DNAH10: variants seen among roughly 807,000 people sequenced by gnomAD.
DNAH10 encodes dynein axonemal heavy chain 10, also known as axonemal beta dynein heavy chain 10.
DNAH10 carries 348 observed loss-of-function variants against 506.6 expected under a neutral mutation model. That is an observed-to-expected ratio of 0.69 (90% CI 0.63 to 0.75). DNAH10 has a LOEUF of 0.75. Among genes scored for constraint, DNAH10 ranks in the 30% least tolerant of loss-of-function variants. The pLI, the probability that DNAH10 is intolerant of heterozygous loss-of-function variation, is 0.00. For synonymous variants in DNAH10, 2,059 were observed against 2,198.6 expected, an observed-to-expected ratio of 0.94 and a Z score of 1.78; for missense variants, 5,179 against 5,787.1, an observed-to-expected ratio of 0.89 and a Z score of 3.41.
chr12:123,897,231 G>A (rs184420437), intron 54 of DNAH10, among the ~76,000 whole-genome samples: 8 of 152,252 alleles, frequency 5.3e-5, no homozygotes, highest in Admixed American at 3.9e-4. Flanking sequence ...GACACATTTT[G>A]TTCATCCATT....
At position 123,813,392 on chromosome 12, in the gene DNAH10, G is replaced by C. The variant is rs1335945641; in HGVS notation, c.3373G>C (p.Val1125Leu). 1 of 1,614,088 alleles carries C rather than the reference G, an allele frequency of 6.2e-7. No individual in the cohort carries two copies. The highest frequency in any genetic ancestry group is 1.3e-5 in the African/African-American group (1 of 74,924). ...TCTCTGGAAATTGGACAAAGCTATTGTGATGGAGAAATTTGCTGCCAAGAA... is the reference window on the plus strand; with the variant it reads ...TCTCTGGAAATTGGACAAAGCTATTCTGATGGAGAAATTTGCTGCCAAGAA... Reference protein sequence around the residue: ...RPLWKLDKAIVMEKFAAKKPP... With the variant: ...RPLWKLDKAILMEKFAAKKPP... Residue 1125 changes from valine (V) to leucine (L), a missense_variant, in exon 20 of 79, where the codon GTG becomes CTG. By Grantham distance (32) the Val-to-Leu change is conservative. This residue lies in a region of DNAH10 where 4,844 missense variants were observed against 5,430.5 expected (regional missense o/e 0.89). Transcript: ENST00000673944.
Position 123,909,301 on chromosome 12 carries a change from G to A in DNAH10, c.9856G>A (p.Glu3286Lys), listed in dbSNP as rs1274796581. 5 of 1,613,304 alleles carry A rather than the reference G, an allele frequency of 3.1e-6. No individual in the cohort carries two copies. Among genetic ancestry groups the A allele is most frequent in the South Asian group, 2.2e-5 (2 of 90,914 alleles). ...CCCGAAGCAGGTGCAGACGGTCTGC[G>A]AATGCATCCTCATCATGAAAGGGTA... Reference protein sequence around the residue: ...KPPKQVQTVCECILIMKGYKE... With the variant: ...KPPKQVQTVCKCILIMKGYKE... The change falls in exon 58 of 79, where the codon GAA becomes AAA. Residue 3286 changes from glutamate to lysine, a missense_variant. Glu to Lys is a moderately conservative substitution (Grantham distance 56). Coordinates refer to ENST00000673944, the MANE Select transcript of DNAH10 (RefSeq NM_001372106.1). This position sits in a 1 kb window ranked among gnomAD's most constrained non-coding sequence, Gnocchi z 5.4.
intron 4 of DNAH10, 52 bp downstream of exon 4, chr12:123,772,994 C>A (rs1009950308): frequency 4.0e-6 from 5 of 1,250,582 alleles, no homozygotes; most frequent in Admixed American, 2.0e-5. Context: ...TGTGGTTGTG[C>A]ATGCACTTGT....
rs138409882 is a variant in DNAH10, at chr12:123,903,681, G to A, written c.9815+568G>A. ...GTCAGCGAGGGTAACGTGGTGTGGC[G>A]TGGGCTAACAAGCTTTCTCCTCGCA... On this transcript the variant is annotated intron_variant, in intron 57 of 78. Coordinates refer to ENST00000673944, the MANE Select transcript of DNAH10 (RefSeq NM_001372106.1). The surrounding 1 kb of genome is among the most constrained non-coding windows in gnomAD (Gnocchi z 4.6). Among the ~76,000 whole-genome samples the A allele has an allele frequency of 6.6e-4, 101 of 152,340 alleles. 2 individuals carry two copies. The East Asian group carries it at 0.013, about 20-fold the overall frequency.
In DNAH10 at chr12:123,830,637, A is replaced by G. The variant is rs1960446634; in HGVS notation, c.4483A>G (p.Lys1495Glu). The G allele has an allele frequency of 6.2e-7, 1 of 1,613,804 alleles. No individual in the cohort carries two copies. The highest frequency in any genetic ancestry group is 8.5e-7 in the Non-Finnish European group (1 of 1,179,870). The change falls in exon 26 of 79, where the codon AAA (lysine) becomes GAA (glutamate). Residue 1495 changes from lysine to glutamate, a missense_variant. By Grantham distance (56) the Lys-to-Glu change is moderately conservative. Transcript: ENST00000673944. ...AAATATGTTTGCTATGGAACTGCAC[A>G]AACACACAGATGTTCTCAATGAGAT... ...LENMFAMELH[K>E]HTDVLNEIVT...
intron 16 of DNAH10, among the ~76,000 whole-genome samples, chr12:123,802,088 C>T (rs1336177924): frequency 3.3e-5 from 5 of 152,166 alleles, no homozygotes; most frequent in Admixed American, 6.5e-5. Flanking sequence ...TGTGGATTTT[C>T]GAAGCATACC....
intron 43 of DNAH10, 70 bp from the exon 44 acceptor site, chr12:123,870,296 G>T (rs1391567624): frequency 1.3e-6 from 2 of 1,553,510 alleles, no homozygotes; most frequent in Non-Finnish European, 1.7e-6. Context: ...TTCATTTCAA[G>T]CATGTGCCAG....
chr12:123,924,211 C>T (rs757256621), intron 66 of DNAH10, 67 bp from the exon 67 acceptor site: 22 of 1,502,530 alleles, frequency 1.5e-5, no homozygotes, highest in Middle Eastern at 1.8e-4. Context: ...TGGGAGAAGT[C>T]GAAGCAGAGT....
At chr12:123,796,872 A>G in intron 13 of DNAH10, 40 bp downstream of exon 13, 2 of 1,290,686 alleles carry the variant, frequency 1.5e-6, no homozygotes, top group Non-Finnish European at 1.0e-6. Context: ...TTTGTATTTG[A>G]TTTTTTTTTT....
chr12:123,860,972 T>TAAA (rs1263574401), intron 38 of DNAH10, 40 bp from the exon 39 acceptor site: 1 of 1,613,558 alleles, frequency 6.2e-7, no homozygotes, highest in African/African-American at 1.3e-5. Flanking sequence ...CTCATGCATT[T>TAAA]AGTTGTCTTG....
At chr12:123,801,896 C>G (rs945708596) in intron 16 of DNAH10, among the ~76,000 whole-genome samples, 6 of 152,220 alleles carry the variant, frequency 3.9e-5, no homozygotes, top group Non-Finnish European at 8.8e-5. Context: ...GTCAAGTCCA[C>G]TTCCCTCCCA....
At chr12:123,779,315 C>T (rs1437854332) in intron 5 of DNAH10, among the ~76,000 whole-genome samples, 1 of 152,116 alleles carries the variant, frequency 6.6e-6, no homozygotes, top group East Asian at 1.9e-4. Context: ...TGCTGGATTA[C>T]AGGCATAAGC....
chr12:123,765,844 T>C (rs552977689), intron 1 of DNAH10, among the ~76,000 whole-genome samples: 23 of 147,570 alleles, frequency 1.6e-4, no homozygotes, highest in African/African-American at 3.7e-4. Flanking sequence ...TATATATCTA[T>C]CTACCTACCT....
rs781629602 is a variant in DNAH10 at position 123,846,384 on chromosome 12, CAG to C, written c.5814+231_5814+232del. Among the ~76,000 whole-genome samples the C allele has an allele frequency of 1.2e-4, 18 of 152,106 alleles. No individual in the cohort carries two copies. The highest frequency in any genetic ancestry group is 9.2e-4 in the Admixed American group (14 of 15,272). On this transcript the variant is annotated intron_variant, in intron 32 of 78. Coordinates refer to ENST00000673944, the MANE Select transcript of DNAH10 (RefSeq NM_001372106.1). The surrounding 1 kb of genome is among the most constrained non-coding windows in gnomAD (Gnocchi z 4.5). The stretch of plus-strand genomic sequence containing the variant: ...CACTGGTCCCTAGGTAATGGTGTGT[CAG>C]GGGTATTGGTAGAGGCCAATGCGAA...
chr12:123,834,197 T>A (rs1384015058), intron 27 of DNAH10, among the ~76,000 whole-genome samples: 1 of 152,216 alleles, frequency 6.6e-6, no homozygotes, highest in African/African-American at 2.4e-5. Flanking sequence ...CACTGTTTTT[T>A]AATTTGTGAG....
intron 32 of DNAH10, among the ~76,000 whole-genome samples, chr12:123,847,240 A>G (rs1275131958): frequency 6.8e-6 from 1 of 147,726 alleles, no homozygotes; most frequent in Non-Finnish European, 1.5e-5. Flanking sequence ...CTATCTATCT[A>G]TCTATCTATC....
At chr12:123,837,427 A>T (rs79914394) in intron 28 of DNAH10, among the ~76,000 whole-genome samples, 2,332 of 151,932 alleles carry the variant, frequency 0.015, 70 homozygotes, top group African/African-American at 0.053. Flanking sequence ...AAAAGCCAAG[A>T]AAAAAAAGAA....
chr12:123,847,818 T>C lies in DNAH10; in HGVS notation c.5815-143T>C, dbSNP rs913165856. On this transcript the variant is annotated intron_variant, in intron 32 of 78. Coordinates refer to ENST00000673944, the MANE Select transcript of DNAH10 (RefSeq NM_001372106.1). The stretch of plus-strand genomic sequence containing the variant: ...TTTAGCCAGCTACCTGGGCATCCTG[T>C]GGCCCAGTCAAGTTGACACATGAAA... The C allele has an allele frequency of 6.3e-6, 7 of 1,104,226 alleles. No homozygotes were observed. The African/African-American group carries it at 1.1e-4, about 17-fold the overall frequency. The allele number at this position is 1,104,226 out of a possible 1,614,324, so 68.4% of individuals were successfully genotyped here.
Position 123,917,396 on chromosome 12 carries a change from C to T in DNAH10, c.11003-188C>T, listed in dbSNP as rs1272550187. On this transcript the variant is annotated intron_variant, in intron 63 of 78. Coordinates refer to ENST00000673944, the MANE Select transcript of DNAH10 (RefSeq NM_001372106.1). The surrounding 1 kb of genome is among the most constrained non-coding windows in gnomAD (Gnocchi z 5.6). ...TTCCTTTTTATCTGCCACTCTGCAC[C>T]ACAGCATCGCTGTTTTGCTCCTGCC... Among the ~76,000 whole-genome samples, 1 of 152,206 alleles carries T rather than the reference C, an allele frequency of 6.6e-6. No homozygotes were observed. The highest frequency in any genetic ancestry group is 1.9e-4 in the East Asian group (1 of 5,194).
Sources: allele counts gnomAD v4.1 joint callset (sites outside exome capture counted in the v4.1 genomes callset), GRCh38; gene constraint gnomAD v4.1.1; regional missense constraint gnomAD v4.1.1; non-coding constraint Gnocchi (gnomAD v3.1); transcripts MANE v1.5; gene names NCBI Gene and HGNC (gene_info 2026-07-23, HGNC 2026-07-21).